CCSER1: variants seen among roughly 807,000 people sequenced by gnomAD.
CCSER1 encodes coiled-coil serine rich protein 1.
A neutral mutation model predicts 82.0 loss-of-function variants in CCSER1; 41 were observed. That is an observed-to-expected ratio of 0.50 (90% CI 0.39 to 0.65). The LOEUF (loss-of-function observed/expected upper bound fraction) is 0.65. Among genes scored for constraint, CCSER1 ranks in the 30% least tolerant of loss-of-function variants. The pLI is 0.00. For synonymous variants in CCSER1, 414 were observed against 383.9 expected (o/e 1.08, Z -0.92); for missense variants, 1,119 against 1,064.2 (o/e 1.05, Z -0.72).
At chr4:90,940,852 G>A (rs2150326569) in intron 9 of CCSER1, among the ~76,000 whole-genome samples, 1 of 152,182 alleles carries the variant, frequency 6.6e-6, no homozygotes, top group East Asian at 1.9e-4. Context: ...AAAAGACAAA[G>A]ACATAGATTG....
At chr4:90,755,099 GA>G (rs1749284047) in intron 7 of CCSER1, among the ~76,000 whole-genome samples, 1 of 152,102 alleles carries the variant, frequency 6.6e-6, no homozygotes, top group African/African-American at 2.4e-5. Context: ...AGCTACTCTG[GA>G]AACCCCACAT....
rs147421428 is a variant in CCSER1 at position 90,993,533 on chromosome 4, A to G, written c.2172+70086A>G. ...TTCTTCATCAATATATTACTGTCTT[A>G]GATGGTTAGGTCTGCTATAAGAAAT... On this transcript the variant is annotated intron_variant, in intron 9 of 10. Coordinates refer to ENST00000509176, the MANE Select transcript of CCSER1 (RefSeq NM_001145065.2). Among the ~76,000 whole-genome samples, 6 of 151,896 alleles carry G rather than the reference A, an allele frequency of 4.0e-5. No homozygotes were observed. The East Asian group carries it at 1.2e-3, about 30-fold the overall frequency.
intron 10 of CCSER1, among the ~76,000 whole-genome samples, chr4:91,289,790 A>G (rs1253816366): frequency 6.6e-6 from 1 of 152,088 alleles, no homozygotes; most frequent in South Asian, 2.1e-4. Flanking sequence ...AGAAAACAAT[A>G]AAGAAGAAAT....
chr4:90,863,571 C>A (rs1474209153), intron 8 of CCSER1, among the ~76,000 whole-genome samples: 2 of 151,602 alleles, frequency 1.3e-5, no homozygotes, highest in Non-Finnish European at 2.9e-5. Context: ...GCAAACAAAG[C>A]TCTTTATTTA....
chr4:91,159,917 C>G (rs1465403072), intron 10 of CCSER1, among the ~76,000 whole-genome samples: 3 of 151,634 alleles, frequency 2.0e-5, no homozygotes, highest in African/African-American at 7.3e-5. Context: ...TTTTATTATA[C>G]TTTAAGTTCT....
chr4:90,343,010 T>A (rs1048040010), intron 3 of CCSER1, among the ~76,000 whole-genome samples: 2 of 152,094 alleles, frequency 1.3e-5, no homozygotes, highest in South Asian at 4.2e-4. Flanking sequence ...TCTTCTTCAC[T>A]GCATTTTCCC....
chr4:90,631,517 G>C lies in CCSER1; in HGVS notation c.1932+3285G>C, dbSNP rs192644643. ...AAATATCCAGAGATAGTAATAGTGA[G>C]ATCACAGAAAATTTTTGGCTTAATC... On this transcript the variant is annotated intron_variant, in intron 6 of 10. Coordinates refer to ENST00000509176, the MANE Select transcript of CCSER1 (RefSeq NM_001145065.2). Among the ~76,000 whole-genome samples the C allele has an allele frequency of 9.2e-3, 1,395 of 152,256 alleles. 8 individuals are homozygous for C. Among genetic ancestry groups the C allele is most frequent in the Non-Finnish European group, 0.013 (877 of 68,008 alleles).
intron 10 of CCSER1, among the ~76,000 whole-genome samples, chr4:91,129,241 T>G (rs1727789721): frequency 6.6e-6 from 1 of 151,978 alleles, no homozygotes; most frequent in Admixed American, 6.6e-5. Flanking sequence ...ATCCCAAAAC[T>G]TAAAAATAAT....
chr4:90,387,168 G>T (rs929178918), intron 3 of CCSER1, among the ~76,000 whole-genome samples: 1 of 151,598 alleles, frequency 6.6e-6, no homozygotes. Flanking sequence ...AAACATTTTG[G>T]TTATTTTAAC....
intron 7 of CCSER1, among the ~76,000 whole-genome samples, chr4:90,736,436 G>T (rs965628618): frequency 6.6e-6 from 1 of 151,932 alleles, no homozygotes; most frequent in Admixed American, 6.6e-5. Flanking sequence ...TTGCTGAATT[G>T]ACCTCTTTAT....
At chr4:90,550,026 T>G (rs940600575) in intron 5 of CCSER1, among the ~76,000 whole-genome samples, 6 of 152,104 alleles carry the variant, frequency 3.9e-5, no homozygotes, top group African/African-American at 1.2e-4. Flanking sequence ...AAAAATTCTT[T>G]TATTATTATC....
intron 7 of CCSER1, among the ~76,000 whole-genome samples, chr4:90,735,997 A>G (rs1222226535): frequency 6.6e-6 from 1 of 152,064 alleles, no homozygotes; most frequent in Non-Finnish European, 1.5e-5. Flanking sequence ...GTTTAATTCC[A>G]TGAATTTGTA....
intron 3 of CCSER1, among the ~76,000 whole-genome samples, chr4:90,385,898 G>A (rs1749965518): frequency 6.6e-6 from 1 of 151,636 alleles, no homozygotes; most frequent in South Asian, 2.1e-4. Flanking sequence ...TCCTTTTTCA[G>A]ATGTATCATT....
At chr4:91,023,485 C>A (rs1366613747) in intron 9 of CCSER1, among the ~76,000 whole-genome samples, 1 of 152,002 alleles carries the variant, frequency 6.6e-6, no homozygotes, top group Non-Finnish European at 1.5e-5. Context: ...CAGAACAGAG[C>A]CCTCAGAAAT....
At chr4:91,177,674 A>C (rs1176035798) in intron 10 of CCSER1, among the ~76,000 whole-genome samples, 1 of 152,144 alleles carries the variant, frequency 6.6e-6, no homozygotes, top group Non-Finnish European at 1.5e-5. Context: ...TATCCCCTTT[A>C]ACATTTTTAA....
intron 6 of CCSER1, among the ~76,000 whole-genome samples, chr4:90,665,681 A>G (rs532180994): frequency 9.2e-4 from 140 of 152,292 alleles, no homozygotes; most frequent in African/African-American, 3.1e-3. Flanking sequence ...TGCTAATCTG[A>G]AGGCACTGAG....
At chr4:91,143,315 T>A (rs1327840550) in intron 10 of CCSER1, among the ~76,000 whole-genome samples, 1 of 152,126 alleles carries the variant, frequency 6.6e-6, no homozygotes, top group Non-Finnish European at 1.5e-5. Flanking sequence ...TGTTAAAGAT[T>A]TTTGTATATT....
At chr4:90,790,797 C>T (rs1350134719) in intron 7 of CCSER1, among the ~76,000 whole-genome samples, 1 of 152,158 alleles carries the variant, frequency 6.6e-6, no homozygotes, top group African/African-American at 2.4e-5. Flanking sequence ...CTCCAAGTCT[C>T]TAGGAAATTC....
chr4:90,933,739 A>ATGC (rs761619192), intron 9 of CCSER1, among the ~76,000 whole-genome samples: 1 of 151,858 alleles, frequency 6.6e-6, no homozygotes, highest in African/African-American at 2.4e-5. Context: ...AATCATATAA[A>ATGC]TGCTGGATTA....
Sources: allele counts gnomAD v4.1 joint callset (sites outside exome capture counted in the v4.1 genomes callset), GRCh38; gene constraint gnomAD v4.1.1; transcripts MANE v1.5; gene names NCBI Gene and HGNC (gene_info 2026-07-23, HGNC 2026-07-21).